ABLIM1: variants seen among roughly 807,000 people sequenced by gnomAD.
ABLIM1 encodes the protein actin binding LIM protein 1, also known as actin-binding LIM protein 1.
Under a neutral mutation model 107.0 loss-of-function variants are expected in ABLIM1, and 40 were observed. The observed-to-expected ratio is 0.37, with a 90% CI of 0.29 to 0.49. The LOEUF (loss-of-function observed/expected upper bound fraction) is 0.49, where lower values mean the gene tolerates loss of function less well. Among genes scored for constraint, ABLIM1 ranks in the 20% least tolerant of loss-of-function variants. The pLI is 0.97. For synonymous variants in ABLIM1, 357 were observed against 357.3 expected (o/e 1.00, Z 0.01); for missense variants, 857 against 1,008.5 (o/e 0.85, Z 2.04).
chr10:114,739,362 T>C (rs1438476683), intron 1 of ABLIM1, among the ~76,000 whole-genome samples: 1 of 152,136 alleles, frequency 6.6e-6, no homozygotes, highest in Non-Finnish European at 1.5e-5. Flanking sequence ...GGCGAGTCCA[T>C]AGAGTCCAGG....
In ABLIM1 at chr10:114,725,735, A is replaced by ATGTGTGTG. The variant is rs3981295; in HGVS notation, c.-213+42318_-213+42325dup. On this transcript the variant is annotated intron_variant, in intron 1 of 15. Transcript: ENST00000651092. ...TATATTTACATATGATATATATAAAATGTGTGTGTGTGTGTGTGTGTGTGT... is the reference window on the plus strand; with the variant it reads ...TATATTTACATATGATATATATAAAATGTGTGTGTGTGTGTGTGTGTGTGTGTGTGTGT... Among the ~76,000 whole-genome samples the ATGTGTGTG allele has an allele frequency of 9.0e-4, 128 of 142,290 alleles. No individual in the cohort carries two copies. In the South Asian group the frequency reaches 0.013, roughly 14 times the overall value. The allele number at this position is 142,290 out of a possible 152,430, so 93.3% of individuals were successfully genotyped here. A position where few individuals can be genotyped will look rare whatever the true frequency, so the allele number is the denominator to read the frequency against.
the ABLIM1 span, among the ~76,000 whole-genome samples, chr10:114,792,485 C>A: frequency 6.6e-6 from 1 of 152,152 alleles, no homozygotes; most frequent in Admixed American, 6.5e-5. Context: ...TAATAGATAT[C>A]AAGAATAAAG....
At chr10:114,793,619 T>C in the ABLIM1 span, among the ~76,000 whole-genome samples, 2 of 152,166 alleles carry the variant, frequency 1.3e-5, no homozygotes, top group Non-Finnish European at 2.9e-5. Context: ...CCTGTGTTCT[T>C]GCTGAGGCTG....
chr10:114,624,860 C>T (rs2077688565), intron 1 of ABLIM1, among the ~76,000 whole-genome samples: 1 of 151,646 alleles, frequency 6.6e-6, no homozygotes, highest in African/African-American at 2.4e-5. Context: ...GAAGCAGAGC[C>T]ACACTTCCTG....
intron 4 of ABLIM1, among the ~76,000 whole-genome samples, chr10:114,552,954 T>C (rs150606432): frequency 2.0e-5 from 3 of 152,128 alleles, no homozygotes; most frequent in African/African-American, 4.8e-5. Flanking sequence ...CCCAGAGCTA[T>C]GAAAGAAGCA....
intron 1 of ABLIM1, among the ~76,000 whole-genome samples, chr10:114,610,262 G>C (rs17092147): frequency 0.049 from 7,397 of 152,282 alleles, 341 homozygotes; most frequent in East Asian, 0.27. Flanking sequence ...CACACCATTG[G>C]GAGGACCCTC....
chr10:114,638,364 T>G (rs867521240), intron 1 of ABLIM1, among the ~76,000 whole-genome samples: 18 of 152,210 alleles, frequency 1.2e-4, no homozygotes, highest in African/African-American at 4.3e-4. Context: ...GGCAGTCATT[T>G]TACAAAGTCC....
chr10:114,443,225 TGATA>T (rs2139260625), intron 17 of ABLIM1, among the ~76,000 whole-genome samples: 1 of 152,330 alleles, frequency 6.6e-6, no homozygotes, highest in South Asian at 2.1e-4. Context: ...GAAAATACAC[TGATA>T]GGCTATTTCA....
rs938775354 is a variant in ABLIM1 at position 114,656,946 on chromosome 10, C to G, written c.244+1011G>C. ...GGATGAAGAGGTTGGGGTGGGGAGG[C>G]GATAGCTAAAGGGTACAGGGTTTCT... On this transcript the variant is annotated intron_variant, in intron 1 of 22. Coordinates refer to ENST00000533213, the MANE Select transcript of ABLIM1 (RefSeq NM_002313.7). Among the ~76,000 whole-genome samples, 9 of 151,944 alleles carry G rather than the reference C, an allele frequency of 5.9e-5. 1 individual carries two copies. The highest frequency in any genetic ancestry group is 2.2e-4 in the African/African-American group (9 of 41,334).
At chr10:114,623,888 AACTC>A (rs1248343118) in intron 1 of ABLIM1, among the ~76,000 whole-genome samples, 2 of 152,198 alleles carry the variant, frequency 1.3e-5, no homozygotes, top group African/African-American at 4.8e-5. Flanking sequence ...GGGACACACA[AACTC>A]ACCCCTGTTC....
chr10:114,728,873 C>A (rs2082016755), intron 1 of ABLIM1, among the ~76,000 whole-genome samples: 1 of 152,036 alleles, frequency 6.6e-6, no homozygotes, highest in Non-Finnish European at 1.5e-5. Context: ...TAGCAGGGTG[C>A]ATATCATGCT....
intron 14 of ABLIM1, among the ~76,000 whole-genome samples, chr10:114,448,604 T>TTTATTA (rs60805531): frequency 0.078 from 11,699 of 149,724 alleles, 468 homozygotes; most frequent in Non-Finnish European, 0.092. Context: ...AGATCATTCT[T>TTTATTA]TTATTATTAT....
At chr10:114,659,998 G>C (rs892439622), upstream of ABLIM1, among the ~76,000 whole-genome samples, 2 of 152,154 alleles carry the variant, frequency 1.3e-5, no homozygotes, top group African/African-American at 4.8e-5. Flanking sequence ...ATTCCAATTT[G>C]CTAGAATTAT....
At chr10:114,624,373 C>T (rs1366621925) in intron 1 of ABLIM1, among the ~76,000 whole-genome samples, 1 of 152,344 alleles carries the variant, frequency 6.6e-6, no homozygotes, top group African/African-American at 2.4e-5. Context: ...AGATATGCTT[C>T]TTGGTGGGGT....
intron 1 of ABLIM1, among the ~76,000 whole-genome samples, chr10:114,748,911 G>A (rs369870277): frequency 1.6e-4 from 24 of 152,066 alleles, no homozygotes; most frequent in Middle Eastern, 6.8e-3. Context: ...GGCTTCAAGC[G>A]ATCCTTCTGC....
At chr10:114,602,436 T>C (rs1461817061) in intron 1 of ABLIM1, among the ~76,000 whole-genome samples, 2 of 152,220 alleles carry the variant, frequency 1.3e-5, no homozygotes, top group African/African-American at 2.4e-5. Flanking sequence ...TCTTGGGACA[T>C]AGCAGAATGT....
intron 1 of ABLIM1, among the ~76,000 whole-genome samples, chr10:114,699,923 C>A (rs2081274337): frequency 6.6e-6 from 1 of 152,078 alleles, no homozygotes; most frequent in Admixed American, 6.6e-5. Flanking sequence ...GATGTTGCCC[C>A]AATCCATGAG....
chr10:114,498,025 C>T (rs2059922807), intron 6 of ABLIM1, among the ~76,000 whole-genome samples: 1 of 152,140 alleles, frequency 6.6e-6, no homozygotes, highest in South Asian at 2.1e-4. Flanking sequence ...TTTTATGAAA[C>T]CCTTTGTCTG....
chr10:114,532,412 T>A (rs145155608), intron 6 of ABLIM1, among the ~76,000 whole-genome samples: 1 of 152,308 alleles, frequency 6.6e-6, no homozygotes, highest in Non-Finnish European at 1.5e-5. Context: ...TCTGCTGGAA[T>A]TGGCATCATA....
Sources: gnomAD v4.1 joint callset for allele counts (sites outside exome capture counted in the v4.1 genomes callset) on GRCh38, gnomAD v4.1.1 for gene constraint, MANE v1.5 for transcripts, NCBI Gene and HGNC (gene_info 2026-07-23, HGNC 2026-07-21) for gene names.